Variants in SLC44A5 observed in about 807,000 individuals in gnomAD.
SLC44A5 encodes the protein solute carrier family 44 member 5.
SLC44A5 carries 57 observed loss-of-function variants against 101.8 expected under a neutral mutation model. The observed-to-expected ratio is 0.56, with a 90% CI of 0.45 to 0.70. The LOEUF is 0.70. Ranked by LOEUF, SLC44A5 falls within the 30% of genes least tolerant of loss-of-function variation. The pLI is 0.00. For synonymous variants in SLC44A5, 281 were observed against 290.9 expected, an observed-to-expected ratio of 0.97 and a Z score of 0.35; for missense variants, 737 against 853.1, an observed-to-expected ratio of 0.86 and a Z score of 1.70.
chr1:75,415,962 C>T (rs1293230643), intron 2 of SLC44A5, among the ~76,000 whole-genome samples: 3 of 152,070 alleles, frequency 2.0e-5, no homozygotes, highest in Non-Finnish European at 2.9e-5. Flanking sequence ...GGAAGCAGAG[C>T]ATAAAAGTTC....
chr1:75,277,279 G>T (rs182411820), intron 5 of SLC44A5, among the ~76,000 whole-genome samples: 1 of 152,258 alleles, frequency 6.6e-6, no homozygotes, highest in Non-Finnish European at 1.5e-5. Context: ...TTTATTAATT[G>T]CTCACAATGT....
the SLC44A5 span, among the ~76,000 whole-genome samples, chr1:75,661,521 C>T: frequency 6.6e-6 from 1 of 150,782 alleles, no homozygotes; most frequent in Non-Finnish European, 1.5e-5. Context: ...ATCACATCTA[C>T]CTAAAAAGCT....
chr1:75,654,565 T>C, the SLC44A5 span, among the ~76,000 whole-genome samples: 2 of 152,244 alleles, frequency 1.3e-5, 1 homozygote, highest in South Asian at 4.1e-4. Flanking sequence ...TAACCAGAAA[T>C]ACTGCTCTTT....
intron 10 of SLC44A5, among the ~76,000 whole-genome samples, chr1:75,237,321 T>C (rs879308305): frequency 2.0e-5 from 3 of 152,104 alleles, no homozygotes; most frequent in Non-Finnish European, 2.9e-5. Context: ...TTTTCCACTG[T>C]ATGCAACATT....
chr1:75,456,812 G>T (rs994882966), intron 2 of SLC44A5, among the ~76,000 whole-genome samples: 5 of 152,286 alleles, frequency 3.3e-5, no homozygotes, highest in African/African-American at 1.2e-4. Flanking sequence ...TTATTCTGTG[G>T]CTTCACACTC....
the SLC44A5 span, among the ~76,000 whole-genome samples, chr1:75,669,036 G>A: frequency 2.6e-5 from 4 of 151,484 alleles, no homozygotes; most frequent in African/African-American, 9.8e-5. Flanking sequence ...AGAAGAGGAA[G>A]AGGAAGCAGA....
the SLC44A5 span, among the ~76,000 whole-genome samples, chr1:75,672,168 CA>C: frequency 2.9e-3 from 439 of 152,222 alleles, 5 homozygotes; most frequent in African/African-American, 0.01. Flanking sequence ...CTGCTTTTAA[CA>C]TGTCAGAAAA....
chr1:75,537,033 A>AAAAAAAAATATATATATATAT lies in SLC44A5; in HGVS notation c.13+4401_13+4402insATATATATATATATTTTTTTT, dbSNP rs35829590. Among the ~76,000 whole-genome samples, 9 of 43,028 alleles carry AAAAAAAAATATATATATATAT rather than the reference A, an allele frequency of 2.1e-4. 1 individual carries two copies. Among genetic ancestry groups the AAAAAAAAATATATATATATAT allele is most frequent in the Non-Finnish European group, 3.5e-4 (6 of 17,232 alleles). The allele number at this position is 43,028 out of a possible 152,430, so 28.2% of individuals were successfully genotyped here. A position where few individuals can be genotyped will look rare whatever the true frequency, so the allele number is the denominator to read the frequency against. ...AAAAAAAAAAAAAAAAAAAAAAAAA[A>AAAAAAAAATATATATATATAT]ATATATATCTATGCCAAATGATTCT... On this transcript the variant is annotated intron_variant, in intron 2 of 23. Transcript: ENST00000370859.
At chr1:75,391,523 C>T (rs901018538) in intron 3 of SLC44A5, among the ~76,000 whole-genome samples, 4 of 152,120 alleles carry the variant, frequency 2.6e-5, no homozygotes, top group African/African-American at 4.8e-5. Context: ...TAAAAACAGA[C>T]GTATAGACCC....
At chr1:75,299,844 A>T (rs1438949346) in intron 5 of SLC44A5, among the ~76,000 whole-genome samples, 1 of 122,500 alleles carries the variant, frequency 8.2e-6, no homozygotes, top group African/African-American at 2.7e-5. Context: ...CCTTGTCTCT[A>T]CTAAAAAAAA....
At position 75,389,802 on chromosome 1, in the gene SLC44A5, A is replaced by G. The variant is rs777891889; in HGVS notation, c.52+6781T>C. 1.0e-3 allele frequency among the ~76,000 whole-genome samples: 155 copies of G among 152,312 alleles called. 3 individuals carry two copies. The highest frequency in any genetic ancestry group is 3.1e-4 in the Non-Finnish European group (21 of 68,024). On this transcript the variant is annotated intron_variant, in intron 3 of 23. Transcript: ENST00000370859. ...TCCCAAAGCTGGCAGAAGAAAATAA[A>G]TTACTAAAATCAGAAGAGAACTAAT...
intron 2 of SLC44A5, among the ~76,000 whole-genome samples, chr1:75,492,739 A>T (rs11163490): frequency 0.26 from 38,826 of 152,110 alleles, 6,557 homozygotes; most frequent in African/African-American, 0.48. Context: ...TCTGGGAAAG[A>T]GGGAAAAAGG....
the SLC44A5 span, among the ~76,000 whole-genome samples, chr1:75,709,043 C>T: frequency 6.6e-6 from 1 of 152,180 alleles, no homozygotes; most frequent in Non-Finnish European, 1.5e-5. Flanking sequence ...ATCCCGGATA[C>T]TGATGAGTTG....
At chr1:75,514,850 A>G (rs958729056) in intron 2 of SLC44A5, among the ~76,000 whole-genome samples, 4 of 152,228 alleles carry the variant, frequency 2.6e-5, no homozygotes, top group African/African-American at 9.6e-5. Context: ...CAGAAACTGT[A>G]ATTTTATCTT....
the SLC44A5 span, among the ~76,000 whole-genome samples, chr1:75,618,779 TGC>T: frequency 6.6e-6 from 1 of 152,002 alleles, no homozygotes; most frequent in African/African-American, 2.4e-5. Flanking sequence ...ATAGAAAAGG[TGC>T]CATAAAAGGC....
Position 75,228,756 on chromosome 1 carries a change from C to CT in SLC44A5, c.854-900dup, listed in dbSNP as rs1313764035. 1.4e-4 allele frequency among the ~76,000 whole-genome samples: 21 copies of CT among 151,456 alleles called. No individual in the cohort carries two copies. The South Asian group carries it at 2.3e-3, about 17-fold the overall frequency. On this transcript the variant is annotated intron_variant, in intron 12 of 23. Coordinates refer to ENST00000370859, the MANE Select transcript of SLC44A5 (RefSeq NM_001130058.2). ...TAATAGATTACCTTGAAAATCTGTTCTTTTTTTAATAAGCCTAGAGTCAAT... is the reference window on the plus strand; with the variant it reads ...TAATAGATTACCTTGAAAATCTGTTCTTTTTTTTAATAAGCCTAGAGTCAAT...
the SLC44A5 span, among the ~76,000 whole-genome samples, chr1:75,660,434 GCTCA>G: frequency 1.3e-5 from 2 of 152,092 alleles, no homozygotes; most frequent in African/African-American, 4.8e-5. Flanking sequence ...AGACAAGGAT[GCTCA>G]CTTTCATTAA....
intron 4 of SLC44A5, among the ~76,000 whole-genome samples, chr1:75,318,618 T>C (rs886974871): frequency 6.6e-5 from 10 of 152,150 alleles, no homozygotes; most frequent in African/African-American, 9.7e-5. Flanking sequence ...CCTTGAATCT[T>C]GGGATAAACA....
At chr1:75,527,306 CAGAA>C (rs1486894890) in intron 2 of SLC44A5, among the ~76,000 whole-genome samples, 2 of 105,496 alleles carry the variant, frequency 1.9e-5, no homozygotes, top group Non-Finnish European at 3.7e-5. Flanking sequence ...GAAAGAGAGA[CAGAA>C]AGGAAGGGAG....
Sources: allele counts gnomAD v4.1 joint callset (sites outside exome capture counted in the v4.1 genomes callset), GRCh38; gene constraint gnomAD v4.1.1; transcripts MANE v1.5; gene names NCBI Gene and HGNC (gene_info 2026-07-23, HGNC 2026-07-21).